The following DLX1 variants were observed in gnomAD, a reference collection of about 807,000 sequenced individuals.
DLX1 encodes homeobox protein DLX-1.
A neutral mutation model predicts 25.0 loss-of-function variants in DLX1; 7 were observed. That is an observed-to-expected ratio of 0.28 (90% CI 0.16 to 0.52). The LOEUF is 0.52. DLX1 is among the 20% of genes least tolerant of loss of function. The pLI is 0.96. For missense variants in DLX1, 233 were observed against 334.4 expected, an observed-to-expected ratio of 0.70 and a Z score of 2.37; for synonymous variants, 155 against 140.3, an observed-to-expected ratio of 1.10 and a Z score of -0.74.
chr2:172,086,387 A>G, intron 1 of DLX1: 1 of 482,912 alleles, frequency 2.1e-6, no homozygotes, highest in Non-Finnish European at 3.6e-6. Context: ...ATTAAGGGTA[A>G]TTAAACCTCA....
chr2:172,085,822 G>A lies in DLX1; in HGVS notation c.145G>A (p.Gly49Ser). The A allele has an allele frequency of 6.2e-7, 1 of 1,614,196 alleles. No homozygotes were observed. The change falls in exon 1 of 3, where the codon GGC becomes AGC. Residue 49 changes from glycine (G) to serine (S), a missense_variant. Gly to Ser is a moderately conservative substitution (Grantham distance 56). Around this residue, in one of 3 missense-constraint regions of DLX1, gnomAD observed 126 missense variants for 170.4 expected, o/e 0.74. Transcript: ENST00000361725. This position sits in a 1 kb window ranked among gnomAD's most constrained non-coding sequence, Gnocchi z 4.3. The part of the protein sequence containing the change: ...HYSMHCLHSA[G>S]HSQPDGAYSS... Reference sequence around the variant, plus strand: ...CTCCATGCACTGTTTACACTCGGCGGGCCATTCGCAGCCCGACGGCGCCTA... The same window carrying A: ...CTCCATGCACTGTTTACACTCGGCGAGCCATTCGCAGCCCGACGGCGCCTA...
intron 2 of DLX1, 94 bp downstream of exon 2, chr2:172,086,947 C>A: frequency 1.6e-6 from 2 of 1,286,872 alleles, no homozygotes; most frequent in South Asian, 1.2e-5. Context: ...GACTCAGGGT[C>A]GGGGTGTCAC....
chr2:172,086,718 A>G lies in DLX1; in HGVS notation c.378A>G (p.Lys126=). ...GGEVRFNGKG[K]KIRKPRTIYS... is the part of the protein sequence containing the mutation. ...AAGTGCGCTTCAATGGCAAGGGAAA[A>G]AAGATCCGTAAACCCAGGACGATTT... Residue 126 remains lysine, a synonymous_variant, in exon 2 of 3, where the codon AAA becomes AAG. Transcript: ENST00000361725. The G allele has an allele frequency of 6.3e-7, 1 of 1,582,768 alleles. No individual in the cohort carries two copies. Among genetic ancestry groups the G allele is most frequent in the Non-Finnish European group, 8.6e-7 (1 of 1,162,442 alleles).
intron 2 of DLX1, 32 bp downstream of exon 2, chr2:172,086,885 G>T: frequency 6.2e-7 from 1 of 1,612,578 alleles, no homozygotes; most frequent in South Asian, 1.1e-5. Context: ...GTTCTGCCAC[G>T]CAGGCTTTCC....
chr2:172,088,319 C>T lies in DLX1; in HGVS notation c.*62C>T. ...AGGTCCCTCCCGCCTCCAGGTCCAT[C>T]CATCCCGTCCGGAAAAGAAGGACCC... On this transcript the variant is annotated 3_prime_UTR_variant, in exon 3 of 3. Transcript: ENST00000361725. The T allele has an allele frequency of 7.1e-7, 1 of 1,409,498 alleles. No individual in the cohort carries two copies. The highest frequency in any genetic ancestry group is 9.3e-7 in the Non-Finnish European group (1 of 1,075,080). The allele number at this position is 1,409,498 out of a possible 1,614,324, so 87.3% of individuals were successfully genotyped here. A position where few individuals can be genotyped will look rare whatever the true frequency, so the allele number is the denominator to read the frequency against.
intron 1 of DLX1, 118 bp from the exon 2 acceptor site, chr2:172,086,536 G>GA: frequency 9.7e-7 from 1 of 1,029,358 alleles, no homozygotes; most frequent in Non-Finnish European, 1.4e-6. Flanking sequence ...AGAGTTTCTT[G>GA]AACGTTCTCT....
At chr2:172,086,028 A>T (rs765799074) in intron 1 of DLX1, 38 bp downstream of exon 1, 4 of 1,493,576 alleles carry the variant, frequency 2.7e-6, no homozygotes, top group Non-Finnish European at 3.6e-6. Context: ...AGGAGGAGGT[A>T]CAAGGGAGAG....
At chr2:172,086,224 G>T in intron 1 of DLX1, 2 of 570,130 alleles carry the variant, frequency 3.5e-6, no homozygotes, top group Non-Finnish European at 6.1e-6. Context: ...ATCCAGCCAA[G>T]GATAAATCCC....
chr2:172,087,071 C>A (rs1690857423), intron 2 of DLX1: 1 of 714,438 alleles, frequency 1.4e-6, no homozygotes, highest in Non-Finnish European at 2.6e-6. Context: ...TGCCGTCCGG[C>A]CCTCTGTCCC....
Position 172,088,103 on chromosome 2 carries a change from T to C in DLX1, c.614T>C (p.Leu205Pro). Reference protein sequence around the residue: ...EGSALANGRALSAGSPPVPPG... With the variant: ...EGSALANGRAPSAGSPPVPPG... ...AGTGCGTTGGCCAACGGTCGGGCCC[T>C]GTCTGCTGGCTCCCCACCCGTGCCG... Residue 205 changes from leucine (L) to proline (P), a missense_variant, in exon 3 of 3, where the codon CTG becomes CCG. Leu to Pro is a moderately conservative substitution (Grantham distance 98). This residue lies in a region of DLX1 where 84 missense variants were observed against 81.8 expected (regional missense o/e 1.03). Transcript: ENST00000361725. The C allele has an allele frequency of 6.2e-7, 1 of 1,605,750 alleles. No homozygotes were observed. The highest frequency in any genetic ancestry group is 8.5e-7 in the Non-Finnish European group (1 of 1,175,920).
chr2:172,088,352 A>C lies in DLX1; in HGVS notation c.*95A>C. On this transcript the variant is annotated 3_prime_UTR_variant, in exon 3 of 3. Transcript: ENST00000361725. Reference sequence around the variant, plus strand: ...TCCGGAAAAGAAGGACCCAGAGGGAAGAAGGAACAGTGGAGGCGGGACGCC... The same window carrying C: ...TCCGGAAAAGAAGGACCCAGAGGGACGAAGGAACAGTGGAGGCGGGACGCC... 4 of 1,379,434 alleles carry C rather than the reference A, an allele frequency of 2.9e-6. No homozygotes were observed. Among genetic ancestry groups the C allele is most frequent in the Non-Finnish European group, 3.8e-6 (4 of 1,056,516 alleles). 85.4% of individuals were successfully genotyped at this position (1,379,434 alleles called of 1,614,324 possible).
intron 2 of DLX1, 59 bp downstream of exon 2, chr2:172,086,912 C>CG (rs1559028381): frequency 6.4e-7 from 1 of 1,571,556 alleles, no homozygotes; most frequent in Non-Finnish European, 8.8e-7. Context: ...GGCCTGCGCC[C>CG]GGGTCTTCAT....
Position 172,088,234 on chromosome 2 carries a change from A to G in DLX1, c.745A>G (p.Met249Val). Residue 249 changes from methionine to valine, a missense_variant, in exon 3 of 3, where the codon ATG (methionine) becomes GTG (valine). Around this residue, in one of 3 missense-constraint regions of DLX1, gnomAD observed 84 missense variants for 81.8 expected, o/e 1.03. Transcript: ENST00000361725. Reference protein sequence around the residue: ...SWYPSAHQEAMQQPQLM With the variant: ...SWYPSAHQEAVQQPQLM ...GTACCCTTCAGCGCACCAAGAAGCT[A>G]TGCAGCAACCCCAACTTATGTGAGG... 5 of 1,537,746 alleles carry G rather than the reference A, an allele frequency of 3.3e-6. No individual in the cohort carries two copies. Among genetic ancestry groups the G allele is most frequent in the African/African-American group, 1.4e-5 (1 of 70,962 alleles).
At chr2:172,086,042 G>A in intron 1 of DLX1, 52 bp downstream of exon 1, 2 of 1,288,188 alleles carry the variant, frequency 1.6e-6, no homozygotes, top group Non-Finnish European at 1.0e-6. Context: ...GGGAGAGAGG[G>A]AAAGAAGGAG....
In DLX1 at chr2:172,088,113, C is replaced by A; in HGVS notation, c.624C>A (p.Gly208=). The stretch of plus-strand genomic sequence containing the variant: ...CCAACGGTCGGGCCCTGTCTGCTGG[C>A]TCCCCACCCGTGCCGCCCGGCTGGA... The part of the protein sequence containing the change: ...ALANGRALSA[G]SPPVPPGWNP... The change falls in exon 3 of 3, where the codon GGC becomes GGA. Residue 208 remains glycine (G), a synonymous_variant. Coordinates refer to ENST00000361725, the MANE Select transcript of DLX1 (RefSeq NM_178120.5). The A allele has an allele frequency of 6.2e-7, 1 of 1,608,044 alleles. No homozygotes were observed. The highest frequency in any genetic ancestry group is 1.1e-5 in the South Asian group (1 of 90,330).
rs1282165289 is a variant in DLX1 at position 172,088,275 on chromosome 2, C to G, written c.*18C>G. 1.4e-6 allele frequency: 2 copies of G among 1,445,754 alleles called. No individual in the cohort carries two copies. The highest frequency in any genetic ancestry group is 2.4e-5 in the Admixed American group (1 of 40,978). The allele number at this position is 1,445,754 out of a possible 1,614,324, so 89.6% of individuals were successfully genotyped here. ...TTATGTGAGGTTGCCCGCCCGTCTC[C>G]TTCTTGTCTCCCCGGCCCAGGTCCC... On this transcript the variant is annotated 3_prime_UTR_variant, in exon 3 of 3. Transcript: ENST00000361725.
Position 172,088,132 on chromosome 2 carries a change from G to A in DLX1, c.643G>A (p.Gly215Ser), listed in dbSNP as rs1250744657. Residue 215 changes from glycine (G) to serine (S), a missense_variant, in exon 3 of 3, where the codon GGC becomes AGC. Transcript: ENST00000361725. The stretch of plus-strand genomic sequence containing the variant: ...TGCTGGCTCCCCACCCGTGCCGCCC[G>A]GCTGGAACCCTAACTCTTCATCCGG... ...LSAGSPPVPPGWNPNSSSGKG... is the reference protein window; with the variant it reads ...LSAGSPPVPPSWNPNSSSGKG... The A allele has an allele frequency of 6.2e-7, 1 of 1,609,586 alleles. No homozygotes were observed. Among genetic ancestry groups the A allele is most frequent in the Admixed American group, 1.7e-5 (1 of 59,500 alleles).
In DLX1 at chr2:172,085,935, G is replaced by A. The variant is rs1462107089; in HGVS notation, c.258G>A (p.Ser86=). ...SSHASSPYIS[S]VQSYPGSASL... ...ACGCATCCAGCCCCTACATCAGTTC[G>A]GTGCAGTCCTACCCGGGCAGCGCCA... is the stretch of plus-strand genomic sequence containing the variant. Residue 86 remains serine (S), a synonymous_variant, in exon 1 of 3, where the codon TCG becomes TCA. Transcript: ENST00000361725. The surrounding 1 kb of genome is among the most constrained non-coding windows in gnomAD (Gnocchi z 4.3). 3 of 1,614,142 alleles carry A rather than the reference G, an allele frequency of 1.9e-6. No homozygotes were observed. The highest frequency in any genetic ancestry group is 1.7e-6 in the Non-Finnish European group (2 of 1,180,032).
Position 172,085,652 on chromosome 2 carries a change from C to T in DLX1, c.-26C>T, listed in dbSNP as rs1690821229. 4 of 1,597,974 alleles carry T rather than the reference C, an allele frequency of 2.5e-6. No individual in the cohort carries two copies. In the East Asian group the frequency reaches 8.9e-5, roughly 36 times the overall value. On this transcript the variant is annotated 5_prime_UTR_variant, in exon 1 of 3. Transcript: ENST00000361725. This position sits in a 1 kb window ranked among gnomAD's most constrained non-coding sequence, Gnocchi z 4.3. ...AAAAGGGAAGCAGAGGAGAGAAAGT[C>T]CCACACCCAGACCCCGCGAGAAGAG...
Sources: gnomAD v4.1 joint callset for allele counts on GRCh38, gnomAD v4.1.1 for gene constraint, gnomAD v4.1.1 regional missense constraint, Gnocchi (gnomAD v3.1) non-coding constraint, MANE v1.5 for transcripts, NCBI Gene and HGNC (gene_info 2026-07-23, HGNC 2026-07-21) for gene names.